PDE4D: variants seen among roughly 807,000 people sequenced by gnomAD.
PDE4D encodes the protein 3',5'-cyclic-AMP phosphodiesterase 4D.
Under a neutral mutation model 87.4 loss-of-function variants are expected in PDE4D, and 24 were observed. The observed-to-expected ratio is 0.27, with a 90% CI of 0.20 to 0.39. PDE4D has a LOEUF of 0.39. PDE4D is among the 10% of genes least tolerant of loss of function. The pLI, the probability that PDE4D is intolerant of heterozygous loss-of-function variation, is 1.00. For synonymous variants in PDE4D, 384 were observed against 383.2 expected (o/e 1.00, Z -0.02); for missense variants, 714 against 1,041.0 (o/e 0.69, Z 4.32).
chr5:59,608,803 G>A (rs536749076), intron 1 of PDE4D, among the ~76,000 whole-genome samples: 1 of 152,242 alleles, frequency 6.6e-6, no homozygotes, highest in East Asian at 1.9e-4. Flanking sequence ...AGACAGCAGT[G>A]ATGACATGTC....
intron 1 of PDE4D, among the ~76,000 whole-genome samples, chr5:60,426,676 A>G (rs1391240190): frequency 1.3e-5 from 2 of 152,226 alleles, no homozygotes; most frequent in African/African-American, 4.8e-5. Flanking sequence ...AACTTAAAGC[A>G]TAATTTAAAA....
intron 1 of PDE4D, among the ~76,000 whole-genome samples, chr5:59,729,820 A>T (rs949940966): frequency 1.4e-4 from 22 of 151,968 alleles, no homozygotes; most frequent in Non-Finnish European, 1.5e-4. Context: ...TAAAAATACC[A>T]CTCTTAACTT....
intron 1 of PDE4D, among the ~76,000 whole-genome samples, chr5:59,270,315 C>A (rs907820811): frequency 1.3e-5 from 2 of 151,962 alleles, no homozygotes; most frequent in East Asian, 3.9e-4. Context: ...CATTTGTTTG[C>A]GTATTTACAA....
chr5:59,675,525 G>C (rs376814415), intron 1 of PDE4D, among the ~76,000 whole-genome samples: 4 of 152,140 alleles, frequency 2.6e-5, no homozygotes, highest in African/African-American at 7.2e-5. Flanking sequence ...TCTGACCTGG[G>C]TTCAAATCCT....
intron 1 of PDE4D, among the ~76,000 whole-genome samples, chr5:60,248,589 C>T (rs1748058507): frequency 1.3e-5 from 2 of 152,090 alleles, no homozygotes; most frequent in East Asian, 1.9e-4. Context: ...TGGTAACAGA[C>T]TCAGGTGGTA....
At chr5:59,774,150 C>T (rs1310901439) in intron 1 of PDE4D, among the ~76,000 whole-genome samples, 3 of 152,044 alleles carry the variant, frequency 2.0e-5, no homozygotes, top group South Asian at 2.1e-4. Flanking sequence ...GTAACATTTA[C>T]GTGGTAGGTG....
intron 1 of PDE4D, among the ~76,000 whole-genome samples, chr5:60,393,422 T>TC (rs1466031934): frequency 1.3e-5 from 2 of 152,182 alleles, no homozygotes. Flanking sequence ...TTCCTTTTTT[T>TC]CCCCTTGAAG....
chr5:60,204,390 T>A (rs1562215894), intron 1 of PDE4D, among the ~76,000 whole-genome samples: 1 of 152,198 alleles, frequency 6.6e-6, no homozygotes, highest in Non-Finnish European at 1.5e-5. Flanking sequence ...TGCCCTGGAA[T>A]AATCCTATTT....
At chr5:59,659,552 A>T (rs1744904858) in intron 1 of PDE4D, among the ~76,000 whole-genome samples, 1 of 152,216 alleles carries the variant, frequency 6.6e-6, no homozygotes, top group African/African-American at 2.4e-5. Context: ...ATAAGAAGAG[A>T]TTAGGAGTCT....
At chr5:59,230,406 G>A (rs1754902713) in intron 1 of PDE4D, among the ~76,000 whole-genome samples, 1 of 152,086 alleles carries the variant, frequency 6.6e-6, no homozygotes, top group South Asian at 2.1e-4. Flanking sequence ...TGAGGGATGG[G>A]TTTTAAAAAT....
chr5:60,503,329 A>C (rs1476510258), intron 1 of PDE4D, among the ~76,000 whole-genome samples: 2 of 152,122 alleles, frequency 1.3e-5, no homozygotes, highest in Non-Finnish European at 2.9e-5. Flanking sequence ...TACTCACTAC[A>C]AGAACACCAA....
intron 2 of PDE4D, among the ~76,000 whole-genome samples, chr5:60,136,340 G>C (rs898210854): frequency 3.3e-5 from 5 of 150,164 alleles, no homozygotes; most frequent in Middle Eastern, 3.2e-3. Flanking sequence ...TTTTTGAGAT[G>C]AAGTCTTGCT....
intron 1 of PDE4D, among the ~76,000 whole-genome samples, chr5:60,368,300 A>G (rs371289724): frequency 7.2e-5 from 11 of 152,328 alleles, no homozygotes; most frequent in African/African-American, 2.6e-4. Context: ...TTGTCTAGGA[A>G]TGCCATTGCA....
intron 1 of PDE4D, among the ~76,000 whole-genome samples, chr5:59,380,405 A>AG (rs1554148717): frequency 0.056 from 7,741 of 137,570 alleles, 305 homozygotes; most frequent in South Asian, 0.15. Context: ...AAAAAAAAAA[A>AG]AGAGAGAGAA....
At chr5:59,157,419 C>T in intron 5 of PDE4D, 2 of 700,574 alleles carry the variant, frequency 2.9e-6, no homozygotes, top group South Asian at 1.5e-5. Context: ...TAAACAGGTG[C>T]TGTGGTTACT....
intron 1 of PDE4D, among the ~76,000 whole-genome samples, chr5:59,449,806 C>G (rs535785074): frequency 1.9e-4 from 29 of 152,156 alleles, no homozygotes; most frequent in Non-Finnish European, 4.1e-4. Flanking sequence ...ATGGTCCACC[C>G]CCATTCCCAA....
chr5:59,548,069 G>A (rs1817563940), intron 1 of PDE4D, among the ~76,000 whole-genome samples: 1 of 152,082 alleles, frequency 6.6e-6, no homozygotes, highest in African/African-American at 2.4e-5. Context: ...AGAGACAAAC[G>A]CTCAATCAAA....
At chr5:59,302,697 A>AT (rs1365663468) in intron 1 of PDE4D, among the ~76,000 whole-genome samples, 2 of 152,156 alleles carry the variant, frequency 1.3e-5, no homozygotes, top group African/African-American at 2.4e-5. Context: ...GTCACTGCAA[A>AT]TGCTGTTAAT....
At chr5:60,051,389 A>G (rs1349584787) in intron 2 of PDE4D, among the ~76,000 whole-genome samples, 2 of 152,248 alleles carry the variant, frequency 1.3e-5, no homozygotes, top group African/African-American at 4.8e-5. Flanking sequence ...AAACTCACTC[A>G]AAACCACACA....
Sources: allele counts gnomAD v4.1 joint callset (sites outside exome capture counted in the v4.1 genomes callset), GRCh38; gene constraint gnomAD v4.1.1; transcripts MANE v1.5; gene names NCBI Gene and HGNC (gene_info 2026-07-23, HGNC 2026-07-21).